CADPS2: variants seen among roughly 807,000 people sequenced by gnomAD.
CADPS2 encodes the protein calcium-dependent secretion activator 2.
CADPS2 carries 93 observed loss-of-function variants against 172.5 expected under a neutral mutation model. The observed-to-expected ratio is 0.54, with a 90% confidence interval of 0.46 to 0.64. The LOEUF (loss-of-function observed/expected upper bound fraction) is 0.64, where lower values mean the gene tolerates loss of function less well. Ranked by LOEUF, CADPS2 falls within the 30% of genes least tolerant of loss-of-function variation. CADPS2 has a pLI of 0.00. For missense variants in CADPS2, 1,420 were observed against 1,565.9 expected, an observed-to-expected ratio of 0.91 and a Z score of 1.57; for synonymous variants, 546 against 555.2, an observed-to-expected ratio of 0.98 and a Z score of 0.23.
At position 122,797,425 on chromosome 7, in the gene CADPS2, T is replaced by A. The variant is rs868268999; in HGVS notation, c.340-60357A>T. 5.9e-5 allele frequency among the ~76,000 whole-genome samples: 9 copies of A among 152,008 alleles called. No individual in the cohort carries two copies. The South Asian group carries it at 1.9e-3, about 31-fold the overall frequency. On this transcript the variant is annotated intron_variant, in intron 1 of 29. Transcript: ENST00000449022. ...GTGTTCACTGCAGCACTATTCACAA[T>A]AACAAACACATGGAATCAAACTAAA...
chr7:122,652,995 G>C (rs1450288588), intron 3 of CADPS2, among the ~76,000 whole-genome samples: 2 of 152,116 alleles, frequency 1.3e-5, no homozygotes, highest in Non-Finnish European at 2.9e-5. Context: ...TTTCAGAAGA[G>C]AGTTTCCTGT....
chr7:122,539,210 C>A (rs543076025), intron 8 of CADPS2, among the ~76,000 whole-genome samples: 1 of 152,160 alleles, frequency 6.6e-6, no homozygotes, highest in Admixed American at 6.6e-5. Flanking sequence ...AAGGACTCTG[C>A]CCTCACAAAT....
intron 1 of CADPS2, among the ~76,000 whole-genome samples, chr7:122,841,917 G>T (rs1298846271): frequency 2.0e-5 from 3 of 152,144 alleles, no homozygotes; most frequent in Non-Finnish European, 4.4e-5. Context: ...AAAGAGATGG[G>T]ATACTCAAAA....
At chr7:122,345,552 C>A (rs1420247589) in intron 28 of CADPS2, 22 bp downstream of exon 28, 2 of 1,400,840 alleles carry the variant, frequency 1.4e-6, no homozygotes, top group African/African-American at 2.8e-5. Context: ...TGTCAGCATA[C>A]CTTGCAAGGG....
At chr7:122,763,345 G>C (rs1358509420) in intron 1 of CADPS2, among the ~76,000 whole-genome samples, 1 of 152,138 alleles carries the variant, frequency 6.6e-6, no homozygotes, top group Non-Finnish European at 1.5e-5. Flanking sequence ...ATAGTGTGAT[G>C]AGAGTGCTGA....
chr7:122,556,403 CCA>C (rs2065032927), intron 7 of CADPS2, among the ~76,000 whole-genome samples: 1 of 152,206 alleles, frequency 6.6e-6, no homozygotes, highest in African/African-American at 2.4e-5. Context: ...ATCCCCCACA[CCA>C]ACTTTAAAAA....
At chr7:122,353,635 C>T (rs2038978970) in intron 27 of CADPS2, among the ~76,000 whole-genome samples, 1 of 152,012 alleles carries the variant, frequency 6.6e-6, no homozygotes, top group Admixed American at 6.6e-5. Flanking sequence ...ATCCTTAAAC[C>T]CCAAAATGTC....
At chr7:122,504,932 A>G (rs1238723332) in intron 9 of CADPS2, among the ~76,000 whole-genome samples, 1 of 152,218 alleles carries the variant, frequency 6.6e-6, no homozygotes, top group African/African-American at 2.4e-5. Context: ...TTGGTGGAAG[A>G]ATACGTAAAT....
chr7:122,492,900 T>G (rs2058427038), intron 9 of CADPS2, among the ~76,000 whole-genome samples: 1 of 152,150 alleles, frequency 6.6e-6, no homozygotes, highest in African/African-American at 2.4e-5. Context: ...GGTCTCTGTC[T>G]GTTACCTGGG....
intron 1 of CADPS2, among the ~76,000 whole-genome samples, chr7:122,874,076 T>C (rs1444512213): frequency 6.6e-6 from 1 of 152,176 alleles, no homozygotes; most frequent in Non-Finnish European, 1.5e-5. Context: ...GTCAGATGGA[T>C]AGATTGCAAA....
intron 2 of CADPS2, among the ~76,000 whole-genome samples, chr7:122,711,988 T>G (rs2088820677): frequency 6.6e-6 from 1 of 152,046 alleles, no homozygotes; most frequent in Non-Finnish European, 1.5e-5. Context: ...ATTTTGCAGT[T>G]AAAACAGTAC....
chr7:122,863,944 T>C (rs552063479), intron 1 of CADPS2, among the ~76,000 whole-genome samples: 1 of 152,056 alleles, frequency 6.6e-6, no homozygotes, highest in African/African-American at 2.4e-5. Flanking sequence ...GCAGGAGAAC[T>C]GCTTGAACCC....
At chr7:122,737,754 T>C (rs2092257149) in intron 1 of CADPS2, among the ~76,000 whole-genome samples, 1 of 152,082 alleles carries the variant, frequency 6.6e-6, no homozygotes, top group East Asian at 1.9e-4. Flanking sequence ...TTAATATTAA[T>C]AATATTATAC....
intron 29 of CADPS2, among the ~76,000 whole-genome samples, chr7:122,322,913 G>C (rs866901494): frequency 2.4e-4 from 37 of 152,214 alleles, no homozygotes; most frequent in Middle Eastern, 3.4e-3. Flanking sequence ...AAGTAGTTTG[G>C]GTCCTGGGTA....
intron 20 of CADPS2, among the ~76,000 whole-genome samples, chr7:122,403,457 A>ATTAG (rs1417648799): frequency 6.6e-6 from 1 of 152,228 alleles, no homozygotes; most frequent in Non-Finnish European, 1.5e-5. Context: ...CTCAAAAGAG[A>ATTAG]TTAGTACTAA....
intron 17 of CADPS2, among the ~76,000 whole-genome samples, chr7:122,431,694 A>G (rs1267897636): frequency 2.0e-5 from 3 of 152,130 alleles, no homozygotes; most frequent in African/African-American, 4.8e-5. Flanking sequence ...GATACTATTT[A>G]TTGCAAAGTA....
intron 1 of CADPS2, among the ~76,000 whole-genome samples, chr7:122,822,584 A>G (rs180788125): frequency 0.046 from 6,773 of 145,786 alleles, 340 homozygotes; most frequent in South Asian, 0.07. Flanking sequence ...AAGCCATCGC[A>G]TCCCCTGTGA....
At chr7:122,567,926 G>A (rs899799976) in intron 7 of CADPS2, among the ~76,000 whole-genome samples, 2 of 152,090 alleles carry the variant, frequency 1.3e-5, no homozygotes, top group African/African-American at 2.4e-5. Flanking sequence ...ACAGATTTAA[G>A]CTTAACCATA....
intron 8 of CADPS2, among the ~76,000 whole-genome samples, chr7:122,546,605 G>A (rs1006157252): frequency 2.6e-5 from 4 of 152,008 alleles, no homozygotes; most frequent in Admixed American, 2.0e-4. Flanking sequence ...CAGCTTTGCT[G>A]CCATATGCTG....
Sources: allele counts gnomAD v4.1 joint callset (sites outside exome capture counted in the v4.1 genomes callset), GRCh38; gene constraint gnomAD v4.1.1; transcripts MANE v1.5; gene names NCBI Gene and HGNC (gene_info 2026-07-23, HGNC 2026-07-21).